Variants in KCNN3 observed in about 807,000 individuals in gnomAD.
The protein encoded by KCNN3 is potassium calcium-activated channel subfamily N member 3.
In KCNN3, 16 loss-of-function variants were observed where a neutral mutation model predicts 62.9. The ratio of observed to expected loss-of-function variants is 0.25; its 90% CI spans 0.17 to 0.39. KCNN3 has a LOEUF of 0.39. Among genes scored for constraint, KCNN3 ranks in the 10% least tolerant of loss-of-function variants. KCNN3 has a pLI of 1.00. For synonymous variants in KCNN3, 370 were observed against 389.2 expected (o/e 0.95, Z 0.58); for missense variants, 599 against 949.4 (o/e 0.63, Z 4.85).
intron 3 of KCNN3, among the ~76,000 whole-genome samples, chr1:154,766,376 T>C (rs1350990236): frequency 7.3e-6 from 1 of 137,652 alleles, no homozygotes; most frequent in Non-Finnish European, 1.6e-5. Context: ...ATTACAGACA[T>C]GTATTGCTCT....
chr1:154,798,861 G>A (rs981313706), intron 2 of KCNN3, among the ~76,000 whole-genome samples: 2 of 151,342 alleles, frequency 1.3e-5, no homozygotes, highest in African/African-American at 4.8e-5. Context: ...TGGGCAGACT[G>A]GTGAGACCAT....
At chr1:154,724,093 G>C (rs927130051) in intron 5 of KCNN3, among the ~76,000 whole-genome samples, 1 of 152,140 alleles carries the variant, frequency 6.6e-6, no homozygotes, top group Non-Finnish European at 1.5e-5. Context: ...ATATTTGCCC[G>C]TACCAGTTCC....
chr1:154,847,406 C>CT (rs1325838724), intron 1 of KCNN3, among the ~76,000 whole-genome samples: 1 of 152,182 alleles, frequency 6.6e-6, no homozygotes, highest in Non-Finnish European at 1.5e-5. Flanking sequence ...AGGAAGGCAC[C>CT]GAGGACCACG....
chr1:154,772,483 G>T lies in KCNN3; in HGVS notation c.1030-90C>A. On this transcript the variant is annotated intron_variant, in intron 2 of 7. Coordinates refer to ENST00000271915, the MANE Select transcript of KCNN3 (RefSeq NM_002249.6). The surrounding 1 kb of genome is among the most constrained non-coding windows in gnomAD (Gnocchi z 5.6). ...GGACAGGTGGGGCAGGCTGGGGCAG[G>T]CTGCTGGGCTCAGGTCAGCCTGACC... 1 of 1,336,832 alleles carries T rather than the reference G, an allele frequency of 7.5e-7. No homozygotes were observed. Among genetic ancestry groups the T allele is most frequent in the Non-Finnish European group, 1.1e-6 (1 of 944,292 alleles). 82.8% of individuals were successfully genotyped at this position (1,336,832 alleles called of 1,614,324 possible).
At position 154,755,547 on chromosome 1, in the gene KCNN3, G is replaced by GA. The variant is rs1647620073; in HGVS notation, c.1448+16427dup. Among the ~76,000 whole-genome samples the GA allele has an allele frequency of 5.1e-5, 5 of 97,120 alleles. No homozygotes were observed. The South Asian group carries it at 1.4e-3, about 26-fold the overall frequency. 63.7% of individuals were successfully genotyped at this position (97,120 alleles called of 152,430 possible). On this transcript the variant is annotated intron_variant, in intron 3 of 7. Transcript: ENST00000271915. ...AGAAAGAAGAAGAAAGGAAAGGAAG[G>GA]AAGGAAGAAAGAAAGAAAGAGAGAG...
chr1:154,815,712 G>A (rs190882830), intron 2 of KCNN3, among the ~76,000 whole-genome samples: 7 of 152,312 alleles, frequency 4.6e-5, no homozygotes, highest in East Asian at 3.9e-4. Flanking sequence ...AGGTCAGTAC[G>A]TGCTCTGCTA....
At chr1:154,783,570 G>A (rs1304700053) in intron 2 of KCNN3, among the ~76,000 whole-genome samples, 1 of 152,230 alleles carries the variant, frequency 6.6e-6, no homozygotes, top group Non-Finnish European at 1.5e-5. Context: ...CAGCATGTTT[G>A]CTAATGAAGA....
chr1:154,714,539 G>T (rs200827867), intron 6 of KCNN3, among the ~76,000 whole-genome samples: 1 of 24,500 alleles, frequency 4.1e-5, no homozygotes, highest in Admixed American at 4.4e-4. Context: ...TGTGGTGTGT[G>T]TGGGGTGTGT....
chr1:154,852,341 C>T (rs1652337393), intron 1 of KCNN3, among the ~76,000 whole-genome samples: 1 of 150,874 alleles, frequency 6.6e-6, no homozygotes, highest in Admixed American at 6.6e-5. Flanking sequence ...GTAGCTAGAA[C>T]CACAGGCATA....
intron 5 of KCNN3, among the ~76,000 whole-genome samples, chr1:154,721,441 A>G (rs766136273): frequency 1.2e-4 from 18 of 151,744 alleles, no homozygotes; most frequent in Non-Finnish European, 2.6e-4. Flanking sequence ...CTGGGATTAC[A>G]GGCACCCACC....
intron 1 of KCNN3, among the ~76,000 whole-genome samples, chr1:154,861,245 G>A (rs1447054329): frequency 2.6e-5 from 4 of 151,956 alleles, no homozygotes; most frequent in South Asian, 2.1e-4. Flanking sequence ...ATGAGCCACC[G>A]CGCCTGGCCC....
intron 2 of KCNN3, among the ~76,000 whole-genome samples, chr1:154,788,771 C>T (rs1165844596): frequency 5.9e-5 from 9 of 152,222 alleles, no homozygotes; most frequent in African/African-American, 2.2e-4. Flanking sequence ...ATACTTAACA[C>T]AGCGTTTACT....
At chr1:154,755,504 GAA>G (rs1647604544) in intron 3 of KCNN3, among the ~76,000 whole-genome samples, 1 of 109,798 alleles carries the variant, frequency 9.1e-6, no homozygotes, top group African/African-American at 3.3e-5. Context: ...AGAAAGAAAG[GAA>G]GAAAGAAAGA....
In KCNN3 at chr1:154,700,509, GA is replaced by G. The variant is rs1168577924; in HGVS notation, c.*7466del. ...GTCTTGGTCTGAGCAGTGTTAGAAG[GA>G]AAAACCAAAAGAAAAAAGCACTTAC... On this transcript the variant is annotated 3_prime_UTR_variant, in exon 8 of 8. Transcript: ENST00000271915. The G allele has an allele frequency of 6.6e-6, 1 of 152,194 alleles. No individual in the cohort carries two copies. The highest frequency in any genetic ancestry group is 6.5e-5 in the Admixed American group (1 of 15,274). 9.4% of individuals were successfully genotyped at this position (152,194 alleles called of 1,614,324 possible). A position where few individuals can be genotyped will look rare whatever the true frequency, so the allele number is the denominator to read the frequency against.
chr1:154,857,298 G>A (rs1244686237), intron 1 of KCNN3, among the ~76,000 whole-genome samples: 1 of 152,204 alleles, frequency 6.6e-6, no homozygotes, highest in East Asian at 1.9e-4. Context: ...AGAACACTAG[G>A]ACGCATGCTG....
chr1:154,768,559 C>T (rs976701557), intron 3 of KCNN3, among the ~76,000 whole-genome samples: 1 of 152,150 alleles, frequency 6.6e-6, no homozygotes, highest in Non-Finnish European at 1.5e-5. Context: ...GACCCTGGAG[C>T]CTGGCTGAGT....
At chr1:154,849,816 G>A (rs911290651) in intron 1 of KCNN3, among the ~76,000 whole-genome samples, 1 of 152,170 alleles carries the variant, frequency 6.6e-6, no homozygotes, top group East Asian at 1.9e-4. Context: ...TGACATTGTG[G>A]GCTGGGTAAT....
rs892504056 is a variant in KCNN3 at position 154,822,297 on chromosome 1, G to C, written c.934-113C>G. ...GGGGACACAGGAGGGACTGTTACCA[G>C]CCCCTCCTAGGAGCAGGTGTAGCAC... On this transcript the variant is annotated intron_variant, in intron 1 of 7. Coordinates refer to ENST00000271915, the MANE Select transcript of KCNN3 (RefSeq NM_002249.6). The C allele has an allele frequency of 5.0e-6, 4 of 804,204 alleles. No individual in the cohort carries two copies. In the African/African-American group the frequency reaches 6.8e-5, roughly 14 times the overall value. 49.8% of individuals were successfully genotyped at this position (804,204 alleles called of 1,614,324 possible).
At chr1:154,737,164 A>G in intron 3 of KCNN3, 1 of 418,792 alleles carries the variant, frequency 2.4e-6, no homozygotes, top group Non-Finnish European at 4.7e-6. Flanking sequence ...CATGTCACAA[A>G]CTCACATACT....
Sources: gnomAD v4.1 joint callset for allele counts (sites outside exome capture counted in the v4.1 genomes callset) on GRCh38, gnomAD v4.1.1 for gene constraint, Gnocchi (gnomAD v3.1) non-coding constraint, MANE v1.5 for transcripts, NCBI Gene and HGNC (gene_info 2026-07-23, HGNC 2026-07-21) for gene names.